The following GTF2IRD1 variants were observed in gnomAD, a reference collection of about 807,000 sequenced individuals.
The protein encoded by GTF2IRD1 is general transcription factor II-I repeat domain-containing protein 1.
A neutral mutation model predicts 113.2 loss-of-function variants in GTF2IRD1; 26 were observed. The ratio of observed to expected loss-of-function variants is 0.23; its 90% confidence interval spans 0.17 to 0.32. The LOEUF (loss-of-function observed/expected upper bound fraction) is 0.32. GTF2IRD1 is among the 10% of genes least tolerant of loss of function. The pLI is 1.00. For synonymous variants in GTF2IRD1, 484 were observed against 529.1 expected, an observed-to-expected ratio of 0.91 and a Z score of 1.17; for missense variants, 864 against 1,280.8, an observed-to-expected ratio of 0.67 and a Z score of 4.97.
In GTF2IRD1 at chr7:74,536,269, A is replaced by G. The variant is rs1798290444; in HGVS notation, c.1403A>G (p.Asn468Ser). 5.0e-6 allele frequency: 8 copies of G among 1,596,852 alleles called. No individual in the cohort carries two copies. The highest frequency in any genetic ancestry group is 6.9e-6 in the Non-Finnish European group (8 of 1,164,792). ...GCCACCGTCCTTGACCTTGCTGGGAATGCTCGGTGAGGCCCCGCCCCTGGC... is the reference window on the plus strand; with the variant it reads ...GCCACCGTCCTTGACCTTGCTGGGAGTGCTCGGTGAGGCCCCGCCCCTGGC... ...SRATVLDLAGNARSDKGSMSE... is the reference protein window; with the variant it reads ...SRATVLDLAGSARSDKGSMSE... The change falls in exon 11 of 27, where the codon AAT becomes AGT. Residue 468 changes from asparagine (N) to serine (S), a missense_variant. Transcript: ENST00000424337.
intron 25 of GTF2IRD1, 59 bp downstream of exon 25, chr7:74,595,110 T>C (rs1414125228): frequency 1.5e-6 from 2 of 1,307,586 alleles, no homozygotes; most frequent in Non-Finnish European, 2.2e-6. Context: ...ACTGTTCCAT[T>C]TGAAAAAAGG....
At chr7:74,465,828 G>C (rs1028381489) in intron 1 of GTF2IRD1, among the ~76,000 whole-genome samples, 12 of 152,036 alleles carry the variant, frequency 7.9e-5, no homozygotes, top group African/African-American at 2.9e-4. Context: ...GGAGTGCAGT[G>C]GCAGGATCTC....
chr7:74,576,431 C>T (rs1250321676), intron 22 of GTF2IRD1, among the ~76,000 whole-genome samples: 4 of 150,084 alleles, frequency 2.7e-5, no homozygotes, highest in Admixed American at 6.7e-5. Context: ...TGTGGTGGTG[C>T]GCACTTGTAA....
chr7:74,567,940 C>T (rs1800425204), intron 22 of GTF2IRD1, among the ~76,000 whole-genome samples: 1 of 152,004 alleles, frequency 6.6e-6, no homozygotes, highest in Admixed American at 6.6e-5. Flanking sequence ...CGCGTGCTAT[C>T]GCGCCCGACT....
chr7:74,465,088 C>T (rs781981175), intron 1 of GTF2IRD1, among the ~76,000 whole-genome samples: 9 of 152,190 alleles, frequency 5.9e-5, no homozygotes, highest in Admixed American at 1.3e-4. Context: ...CATGTTTATC[C>T]AGGAGCTGGT....
chr7:74,546,102 C>T (rs1406715276), intron 16 of GTF2IRD1, among the ~76,000 whole-genome samples: 1 of 152,000 alleles, frequency 6.6e-6, no homozygotes, highest in Non-Finnish European at 1.5e-5. Context: ...CGCCCTCACC[C>T]TCATCCCTCC....
At chr7:74,571,485 G>C (rs1339561022) in intron 22 of GTF2IRD1, among the ~76,000 whole-genome samples, 1 of 152,216 alleles carries the variant, frequency 6.6e-6, no homozygotes, top group Non-Finnish European at 1.5e-5. Context: ...CTCTTGGTGG[G>C]CTCCAGTTTT....
intron 22 of GTF2IRD1, among the ~76,000 whole-genome samples, chr7:74,580,827 G>C (rs1167755152): frequency 1.3e-5 from 2 of 152,064 alleles, no homozygotes; most frequent in Non-Finnish European, 2.9e-5. Context: ...ACAGCACTGG[G>C]GGCAGAAACA....
At chr7:74,520,986 C>CT (rs1286069384) in intron 6 of GTF2IRD1, among the ~76,000 whole-genome samples, 1 of 151,680 alleles carries the variant, frequency 6.6e-6, no homozygotes, top group Non-Finnish European at 1.5e-5. Context: ...TCCGACATCC[C>CT]TTTCTTGTTA....
intron 1 of GTF2IRD1, among the ~76,000 whole-genome samples, chr7:74,501,363 G>A (rs1796019769): frequency 6.6e-6 from 1 of 152,212 alleles, no homozygotes; most frequent in South Asian, 2.1e-4. Flanking sequence ...GGGTCTTCAG[G>A]TGGGAATTCC....
chr7:74,588,014 C>A (rs1381424645), intron 22 of GTF2IRD1, among the ~76,000 whole-genome samples: 1 of 152,090 alleles, frequency 6.6e-6, no homozygotes. Flanking sequence ...TGTGCATGGA[C>A]CCCACTAGGC....
At chr7:74,514,360 G>A (rs1352735201) in intron 3 of GTF2IRD1, among the ~76,000 whole-genome samples, 3 of 152,112 alleles carry the variant, frequency 2.0e-5, no homozygotes, top group Non-Finnish European at 4.4e-5. Context: ...CCAGGATGGG[G>A]GACTGGGCCG....
Position 74,538,820 on chromosome 7 carries a change from G to A in GTF2IRD1, c.1528+60G>A, listed in dbSNP as rs1243160991. On this transcript the variant is annotated intron_variant, in intron 13 of 26. Transcript: ENST00000424337. ...ATCAGGGCCGGACCGTTAGCCTCCT[G>A]AGGGTCTGCCCTGGTGAAGAAGTGG... 4 of 919,368 alleles carry A rather than the reference G, an allele frequency of 4.4e-6. No homozygotes were observed. The African/African-American group carries it at 6.5e-5, about 15-fold the overall frequency. 57.0% of individuals were successfully genotyped at this position (919,368 alleles called of 1,614,324 possible).
At chr7:74,495,934 G>A (rs1554337734) in intron 1 of GTF2IRD1, among the ~76,000 whole-genome samples, 2 of 152,210 alleles carry the variant, frequency 1.3e-5, no homozygotes, top group South Asian at 2.1e-4. Flanking sequence ...CAGCACGACT[G>A]TGGCTGGGGC....
At chr7:74,515,141 C>T (rs868993290) in intron 3 of GTF2IRD1, among the ~76,000 whole-genome samples, 9 of 151,994 alleles carry the variant, frequency 5.9e-5, no homozygotes, top group Non-Finnish European at 1.0e-4. Context: ...GCTGGCCTCC[C>T]GTGAACATTC....
At chr7:74,598,012 C>T (rs1802525365) in intron 25 of GTF2IRD1, among the ~76,000 whole-genome samples, 1 of 152,178 alleles carries the variant, frequency 6.6e-6, no homozygotes, top group Admixed American at 6.6e-5. Context: ...CCATCAAGAG[C>T]TAGTCACAAG....
chr7:74,515,535 A>C lies in GTF2IRD1; in HGVS notation c.360A>C (p.Glu120Asp). ...GTAGCCTCCCTCGGTCCTCCCTGGA[A>C]CATGGCTCAGATGTGTACCTTCTGC... ...GGRSLPRSSL[E>D]HGSDVYLLRK... Residue 120 changes from glutamate (E) to aspartate (D), a missense_variant, in exon 4 of 27, where the codon GAA becomes GAC. Around this residue, in one of 7 missense-constraint regions of GTF2IRD1, gnomAD observed 182 missense variants for 266.6 expected, o/e 0.68. Coordinates refer to ENST00000424337, the MANE Select transcript of GTF2IRD1 (RefSeq NM_005685.4). 1 of 1,613,978 alleles carries C rather than the reference A, an allele frequency of 6.2e-7. No homozygotes were observed. Among genetic ancestry groups the C allele is most frequent in the Middle Eastern group, 1.7e-4 (1 of 6,056 alleles).
chr7:74,509,758 C>T (rs1455820551), intron 2 of GTF2IRD1, among the ~76,000 whole-genome samples: 6 of 151,428 alleles, frequency 4.0e-5, no homozygotes, highest in African/African-American at 1.2e-4. Flanking sequence ...CTGCAACCTC[C>T]GCCTCCCAGG....
chr7:74,524,027 G>A (rs376591799), intron 7 of GTF2IRD1, 44 bp from the exon 8 acceptor site: 107 of 1,396,418 alleles, frequency 7.7e-5, no homozygotes, highest in Middle Eastern at 7.1e-4. Flanking sequence ...GCGTGTGACC[G>A]TCCCGTGGGG....
Sources: gnomAD v4.1 joint callset for allele counts (sites outside exome capture counted in the v4.1 genomes callset) on GRCh38, gnomAD v4.1.1 for gene constraint, gnomAD v4.1.1 regional missense constraint, MANE v1.5 for transcripts, NCBI Gene and HGNC (gene_info 2026-07-23, HGNC 2026-07-21) for gene names.